FLNB: variants seen among roughly 807,000 people sequenced by gnomAD.
The protein encoded by FLNB is filamin-B.
Under a neutral mutation model 250.6 loss-of-function variants are expected in FLNB, and 111 were observed. That is an observed-to-expected ratio of 0.44 (90% CI 0.38 to 0.52). The LOEUF is 0.52. Among genes scored for constraint, FLNB ranks in the 20% least tolerant of loss-of-function variants. FLNB has a pLI of 0.00. For missense variants in FLNB, 2,869 were observed against 3,447.8 expected (o/e 0.83, Z 4.20); for synonymous variants, 1,302 against 1,372.1 (o/e 0.95, Z 1.13).
chr3:58,156,557 T>A (rs2097353637), intron 41 of FLNB, among the ~76,000 whole-genome samples: 2 of 152,202 alleles, frequency 1.3e-5, no homozygotes, highest in South Asian at 2.1e-4. Context: ...CAGTAAATCC[T>A]TGCAATAGCC....
intron 1 of FLNB, among the ~76,000 whole-genome samples, chr3:58,072,754 C>T (rs1214643948): frequency 1.3e-5 from 2 of 152,160 alleles, no homozygotes; most frequent in South Asian, 2.1e-4. Context: ...ATAAAGGGGG[C>T]TTTCCCGTGT....
intron 44 of FLNB, 47 bp downstream of exon 44, chr3:58,168,705 G>A (rs1463938260): frequency 1.5e-6 from 2 of 1,349,254 alleles, no homozygotes; most frequent in South Asian, 2.4e-5. Context: ...CTGGGGAGCT[G>A]GTTGTGTCAG....
chr3:58,114,987 C>G (rs1190868201), intron 18 of FLNB, among the ~76,000 whole-genome samples: 1 of 152,144 alleles, frequency 6.6e-6, no homozygotes, highest in East Asian at 1.9e-4. Flanking sequence ...TATTCTCTCA[C>G]TCCTTGGTTT....
chr3:58,137,754 C>A (rs565412795), intron 28 of FLNB, among the ~76,000 whole-genome samples: 2 of 152,340 alleles, frequency 1.3e-5, no homozygotes, highest in African/African-American at 4.8e-5. Flanking sequence ...CTTTAGGAAG[C>A]CCTTTGTCAG....
At chr3:58,116,253 C>T (rs923510619) in intron 18 of FLNB, among the ~76,000 whole-genome samples, 2 of 152,218 alleles carry the variant, frequency 1.3e-5, no homozygotes, top group African/African-American at 4.8e-5. Flanking sequence ...CCCAGAAAGC[C>T]ACCCCCTGAC....
rs77826413 is a variant in FLNB, at chr3:58,066,741, G to T, written c.293-10305G>T. Reference sequence around the variant, plus strand: ...TTCAAAAGTGGCATTGAAAATAAAGGCATTGGGTGATGAAAATGGAACTTT... The same window carrying T: ...TTCAAAAGTGGCATTGAAAATAAAGTCATTGGGTGATGAAAATGGAACTTT... On this transcript the variant is annotated intron_variant, in intron 1 of 45. Coordinates refer to ENST00000295956, the MANE Select transcript of FLNB (RefSeq NM_001457.4). 9.7e-4 allele frequency among the ~76,000 whole-genome samples: 147 copies of T among 152,254 alleles called. 1 individual carries two copies. The East Asian group carries it at 0.025, about 26-fold the overall frequency.
intron 1 of FLNB, among the ~76,000 whole-genome samples, chr3:58,012,727 TTTGG>T (rs1468158985): frequency 2.0e-5 from 3 of 152,196 alleles, no homozygotes; most frequent in Admixed American, 1.3e-4. Context: ...CTCATTGTGT[TTTGG>T]TTGGTTGGTT....
At position 58,094,587 on chromosome 3, in the gene FLNB, C is replaced by T. The variant is rs1244204843; in HGVS notation, c.788-249C>T. On this transcript the variant is annotated intron_variant, in intron 4 of 45. Coordinates refer to ENST00000295956, the MANE Select transcript of FLNB (RefSeq NM_001457.4). ...TACTACTTATTAACCACATTATTTC[C>T]ACAATTTTATATAGACTCCTGACTG... Among the ~76,000 whole-genome samples, 4 of 152,198 alleles carry T rather than the reference C, an allele frequency of 2.6e-5. 1 individual carries two copies. The South Asian group carries it at 6.2e-4, about 24-fold the overall frequency.
intron 1 of FLNB, among the ~76,000 whole-genome samples, chr3:58,051,366 G>C (rs2097162005): frequency 6.6e-6 from 1 of 152,224 alleles, no homozygotes; most frequent in Admixed American, 6.5e-5. Context: ...CTTGAGACAA[G>C]TGGCCCGCAT....
chr3:58,068,616 G>GT (rs368644667), intron 1 of FLNB, among the ~76,000 whole-genome samples: 36,875 of 152,074 alleles, frequency 0.24, 5,589 homozygotes, highest in Middle Eastern at 0.4. Flanking sequence ...ATTCAGCCAT[G>GT]GTTTGTTTGG....
intron 4 of FLNB, among the ~76,000 whole-genome samples, chr3:58,093,953 C>G (rs1404162185): frequency 2.6e-5 from 4 of 152,128 alleles, no homozygotes; most frequent in Non-Finnish European, 4.4e-5. Flanking sequence ...TAGTGGTTAT[C>G]AGGGCTAAGG....
Position 58,121,380 on chromosome 3 carries a change from C to T in FLNB, c.3003C>T (p.Asn1001=), listed in dbSNP as rs2097288503. 3 of 1,614,172 alleles carry T rather than the reference C, an allele frequency of 1.9e-6. No individual in the cohort carries two copies. The highest frequency in any genetic ancestry group is 2.2e-5 in the East Asian group (1 of 44,884). ...TGACACCTGTGACAGGCCGGGAGAA[C>T]AGCACGGCCAAGTTCATCCCTCGGG... ...CLVTPVTGRE[N]STAKFIPREE... Residue 1001 remains asparagine (N), a synonymous_variant, in exon 20 of 46, where the codon AAC becomes AAT. Transcript: ENST00000295956.
chr3:58,059,179 C>A (rs571432773), intron 1 of FLNB, among the ~76,000 whole-genome samples: 3 of 152,224 alleles, frequency 2.0e-5, no homozygotes, highest in African/African-American at 7.2e-5. Flanking sequence ...ATCTGGTAGT[C>A]TTTTCTAAGA....
intron 18 of FLNB, among the ~76,000 whole-genome samples, chr3:58,114,823 CT>C (rs1454272219): frequency 3.3e-5 from 5 of 151,084 alleles, no homozygotes; most frequent in Non-Finnish European, 7.4e-5. Flanking sequence ...TGCTGATCAT[CT>C]TTTCATGTGC....
intron 22 of FLNB, among the ~76,000 whole-genome samples, chr3:58,124,816 G>C (rs1337402175): frequency 6.7e-6 from 1 of 150,028 alleles, no homozygotes; most frequent in Middle Eastern, 3.4e-3. Flanking sequence ...TGAGTATTAG[G>C]AATTATAAAA....
rs1187978503 is a variant in FLNB at position 58,119,005 on chromosome 3, G to C, written c.2863+16G>C. 6.4e-7 allele frequency: 1 copy of C among 1,562,126 alleles called. No individual in the cohort carries two copies. Among genetic ancestry groups the C allele is most frequent in the East Asian group, 2.2e-5 (1 of 44,592 alleles). On this transcript the variant is annotated intron_variant, in intron 19 of 45. Coordinates refer to ENST00000295956, the MANE Select transcript of FLNB (RefSeq NM_001457.4). ...CTGGAAAACAGTAAGTGCCTGAATGGAGAGCAGATGGGTTGTTGATGACCC... is the reference window on the plus strand; with the variant it reads ...CTGGAAAACAGTAAGTGCCTGAATGCAGAGCAGATGGGTTGTTGATGACCC...
At chr3:58,078,574 T>C in intron 2 of FLNB, 143 bp from the exon 3 acceptor site, 2 of 1,525,430 alleles carry the variant, frequency 1.3e-6, no homozygotes, top group South Asian at 1.2e-5. Context: ...ACTTTTTGCC[T>C]ATTAAATATA....
intron 43 of FLNB, 118 bp from the exon 44 acceptor site, chr3:58,168,322 A>C: frequency 2.5e-6 from 2 of 815,158 alleles, no homozygotes; most frequent in Admixed American, 4.0e-5. Context: ...GTGGGTTCCC[A>C]TGCCACCAGG....
intron 1 of FLNB, among the ~76,000 whole-genome samples, chr3:58,021,584 A>T (rs960633522): frequency 6.6e-6 from 1 of 152,052 alleles, no homozygotes; most frequent in African/African-American, 2.4e-5. Flanking sequence ...CACCTGGGGG[A>T]TGGCTCTCCC....
Sources: allele counts gnomAD v4.1 joint callset (sites outside exome capture counted in the v4.1 genomes callset), GRCh38; gene constraint gnomAD v4.1.1; transcripts MANE v1.5; gene names NCBI Gene and HGNC (gene_info 2026-07-23, HGNC 2026-07-21).